EDDM13: variants seen among roughly 807,000 people sequenced by gnomAD.
EDDM13 encodes the protein epididymal protein 13.
In EDDM13, 24 loss-of-function variants were observed where a neutral mutation model predicts 17.8. The observed-to-expected ratio is 1.35, with a 90% confidence interval of 0.98 to 1.90. The LOEUF is 1.90. EDDM13 is among the 40% of genes most tolerant of loss of function. The probability of loss-of-function intolerance (pLI) is 0.00; values close to 1 mark genes in which losing one functional copy is unlikely to be tolerated. For missense variants in EDDM13, 97 were observed against 100.8 expected (o/e 0.96, Z 0.16); for synonymous variants, 31 against 37.5 (o/e 0.83, Z 0.63).
intron 8 of EDDM13, among the ~76,000 whole-genome samples, chr19:56,290,595 A>G (rs1024778791): frequency 3.9e-5 from 6 of 152,204 alleles, no homozygotes; most frequent in Non-Finnish European, 7.3e-5. Context: ...ACGGTGGCTC[A>G]TGCCTATAAT....
At chr19:56,281,421 C>A (rs1459150374) in intron 2 of EDDM13, among the ~76,000 whole-genome samples, 1 of 152,102 alleles carries the variant, frequency 6.6e-6, no homozygotes, top group Non-Finnish European at 1.5e-5. Flanking sequence ...ATTTCTGAAA[C>A]TGCAAAGTTA....
chr19:56,288,565 C>A (rs1053680690), intron 7 of EDDM13, among the ~76,000 whole-genome samples, 127 bp downstream of exon 7: 1 of 152,188 alleles, frequency 6.6e-6, no homozygotes, highest in African/African-American at 2.4e-5. Context: ...TCTGTGAGCT[C>A]CCTGAGCAGC....
chr19:56,305,539 A>T (rs908846051), intron 14 of EDDM13, among the ~76,000 whole-genome samples: 3 of 152,192 alleles, frequency 2.0e-5, no homozygotes, highest in Non-Finnish European at 2.9e-5. Context: ...TGGTGCTATG[A>T]ACAAGTTATG....
intron 13 of EDDM13, among the ~76,000 whole-genome samples, chr19:56,303,370 C>T (rs908165738): frequency 7.9e-5 from 12 of 151,600 alleles, no homozygotes; most frequent in African/African-American, 2.9e-4. Context: ...CCCAGCTGCT[C>T]GGGAGGCTGA....
rs568155127 is a variant in EDDM13, at chr19:56,298,422, G to A, written c.295+891G>A. 1.6e-4 allele frequency among the ~76,000 whole-genome samples: 24 copies of A among 152,254 alleles called. No individual in the cohort carries two copies. The East Asian group carries it at 4.4e-3, about 28-fold the overall frequency. On this transcript the variant is annotated intron_variant, in intron 12 of 14. Transcript: ENST00000649256. ...GGAGGCCGAGGCAGGCGGATCACAA[G>A]GTCAGGAGATTGAGACCATCCCACC...
In EDDM13 at chr19:56,299,882, A is replaced by T. The variant is rs1321610807; in HGVS notation, c.296-2086A>T. On this transcript the variant is annotated intron_variant, in intron 12 of 14. Coordinates refer to ENST00000649256, the MANE Select transcript of EDDM13 (RefSeq NM_001354658.2). ...GAGGGTGTAGAACATGTTCCCTCTG[A>T]GATCACAGATGAGACGTTCTTGCTA... 6 of 152,324 alleles carry T rather than the reference A, an allele frequency of 3.9e-5. No individual in the cohort carries two copies. The South Asian group carries it at 1.2e-3, about 32-fold the overall frequency. The allele number at this position is 152,324 out of a possible 1,614,324, so 9.4% of individuals were successfully genotyped here.
intron 8 of EDDM13, among the ~76,000 whole-genome samples, chr19:56,289,585 G>A (rs1893266376): frequency 1.3e-5 from 2 of 152,258 alleles, no homozygotes; most frequent in South Asian, 4.2e-4. Flanking sequence ...CCACACAAAT[G>A]TTTCTCTTGT....
chr19:56,279,510 C>T (rs1389075952), intron 2 of EDDM13, among the ~76,000 whole-genome samples: 1 of 152,142 alleles, frequency 6.6e-6, no homozygotes, highest in African/African-American at 2.4e-5. Flanking sequence ...AAGCATTTAG[C>T]ATGTACTGAG....
chr19:56,275,873 G>T (rs1299584579), intron 1 of EDDM13, among the ~76,000 whole-genome samples: 1 of 152,252 alleles, frequency 6.6e-6, no homozygotes, highest in Non-Finnish European at 1.5e-5. Context: ...GTGAATGTTG[G>T]TTGGATGGAT....
At chr19:56,297,569 A>T (rs1020616041) in intron 12 of EDDM13, 38 bp downstream of exon 12, 1 of 973,046 alleles carries the variant, frequency 1.0e-6, no homozygotes, top group African/African-American at 1.8e-5. Context: ...CATCTATAAG[A>T]CAGTGTGTCC....
At chr19:56,308,311 C>T (rs113003405) in intron 14 of EDDM13, among the ~76,000 whole-genome samples, 375 of 151,112 alleles carry the variant, frequency 2.5e-3, no homozygotes, top group African/African-American at 8.7e-3. Context: ...GGATTACAGG[C>T]GTGAGCGGTG....
At chr19:56,277,182 G>A (rs1173831666) in intron 2 of EDDM13, among the ~76,000 whole-genome samples, 2 of 152,132 alleles carry the variant, frequency 1.3e-5, no homozygotes, top group Non-Finnish European at 2.9e-5. Context: ...TTCCGCTCTA[G>A]GTATGTGCCC....
intron 13 of EDDM13, 129 bp from the exon 14 acceptor site, chr19:56,304,664 G>A (rs1465607135): frequency 2.4e-5 from 9 of 373,356 alleles, no homozygotes; most frequent in African/African-American, 2.0e-4. Context: ...CAACCAGAGG[G>A]AAAGAGCAGA....
chr19:56,309,734 G>T (rs931206889), intron 14 of EDDM13, among the ~76,000 whole-genome samples: 1 of 152,204 alleles, frequency 6.6e-6, no homozygotes, highest in African/African-American at 2.4e-5. Flanking sequence ...TGCGGGGCGC[G>T]CCCTCTAGTG....
Position 56,288,419 on chromosome 19 carries a change from TC to T in EDDM13, c.193del (p.Leu65TrpfsTer12), listed in dbSNP as rs2039282355. ...ACAACATCACTTCCCTCAAGATGCC[TC>T]CCCTGGTGTCCCCGCAAGGTTAGCA... ...RHNITSLKMP[P>X]LVSPQDRTEE... On this transcript the variant is annotated frameshift_variant, in exon 7 of 15. Transcript: ENST00000649256. LOFTEE classifies it high-confidence loss of function. 6.6e-6 allele frequency among the ~76,000 whole-genome samples: 1 copy of T among 152,084 alleles called. No individual in the cohort carries two copies. The highest frequency in any genetic ancestry group is 2.1e-4 in the South Asian group (1 of 4,830).
chr19:56,299,551 A>T (rs1374037503), intron 12 of EDDM13, among the ~76,000 whole-genome samples: 2 of 152,142 alleles, frequency 1.3e-5, no homozygotes, highest in East Asian at 3.8e-4. Context: ...GGTAAAACAC[A>T]GTTGTCCCTC....
intron 8 of EDDM13, among the ~76,000 whole-genome samples, chr19:56,289,668 C>A (rs1412881443): frequency 2.0e-5 from 3 of 152,058 alleles, no homozygotes; most frequent in African/African-American, 7.2e-5. Context: ...GGTTGGAGTG[C>A]AGTAGTGCAA....
intron 11 of EDDM13, among the ~76,000 whole-genome samples, chr19:56,296,582 TGCA>T (rs1217524954): frequency 1.3e-5 from 2 of 152,070 alleles, no homozygotes; most frequent in African/African-American, 4.8e-5. Context: ...GTGTTAGAGA[TGCA>T]GCAGAGGATA....
chr19:56,275,405 GTATT>G (rs1386561265), intron 1 of EDDM13, among the ~76,000 whole-genome samples: 1 of 152,098 alleles, frequency 6.6e-6, no homozygotes, highest in African/African-American at 2.4e-5. Context: ...TTCAAGTACT[GTATT>G]TATTTATATC....
Sources: gnomAD v4.1 joint callset for allele counts (sites outside exome capture counted in the v4.1 genomes callset) on GRCh38, gnomAD v4.1.1 for gene constraint, MANE v1.5 for transcripts, NCBI Gene and HGNC (gene_info 2026-07-23, HGNC 2026-07-21) for gene names.